SGCZ: variants seen among roughly 807,000 people sequenced by gnomAD.
SGCZ encodes the protein sarcoglycan zeta.
A neutral mutation model predicts 41.3 loss-of-function variants in SGCZ; 40 were observed. The observed-to-expected ratio is 0.97, with a 90% confidence interval of 0.75 to 1.26. The LOEUF is 1.26. Among genes scored for constraint, SGCZ ranks in the 50% most tolerant of loss-of-function variants. The pLI, the probability that SGCZ is intolerant of heterozygous loss-of-function variation, is 0.00. For missense variants in SGCZ, 552 were observed against 369.8 expected, an observed-to-expected ratio of 1.49 and a Z score of -4.04; for synonymous variants, 206 against 137.5, an observed-to-expected ratio of 1.50 and a Z score of -3.49.
intron 3 of SGCZ, among the ~76,000 whole-genome samples, chr8:14,269,864 G>T (rs556362223): frequency 6.6e-6 from 1 of 152,228 alleles, no homozygotes; most frequent in African/African-American, 2.4e-5. Context: ...GAGAAAGAAT[G>T]TGTGCTGTCA....
At chr8:15,179,493 C>A (rs1457223) in intron 1 of SGCZ, among the ~76,000 whole-genome samples, 62,684 of 152,000 alleles carry the variant, frequency 0.41, 14,507 homozygotes, top group Non-Finnish European at 0.5. Flanking sequence ...TCAAGATGTT[C>A]TGATAATTAC....
At chr8:14,273,230 A>G (rs1290159923) in intron 3 of SGCZ, among the ~76,000 whole-genome samples, 1 of 152,114 alleles carries the variant, frequency 6.6e-6, no homozygotes, top group Non-Finnish European at 1.5e-5. Flanking sequence ...GTACTTTTGC[A>G]TATGTTAGCC....
chr8:14,743,449 T>C (rs1799254209), intron 1 of SGCZ, among the ~76,000 whole-genome samples: 1 of 152,074 alleles, frequency 6.6e-6, no homozygotes, highest in African/African-American at 2.4e-5. Context: ...TACTGTGCCC[T>C]ATAGAAAAGT....
At chr8:15,002,681 C>G (rs997449655) in intron 1 of SGCZ, among the ~76,000 whole-genome samples, 1 of 152,162 alleles carries the variant, frequency 6.6e-6, no homozygotes, top group Non-Finnish European at 1.5e-5. Flanking sequence ...TCTTTAGTTT[C>G]CATTTTGTCC....
chr8:14,847,177 G>GAAGAAGAAA (rs1803158440), intron 1 of SGCZ, among the ~76,000 whole-genome samples: 2 of 144,434 alleles, frequency 1.4e-5, no homozygotes, highest in African/African-American at 5.4e-5. Flanking sequence ...AGAAGAAGAA[G>GAAGAAGAAA]AAGAAGAAGA....
intron 1 of SGCZ, among the ~76,000 whole-genome samples, chr8:15,137,985 C>A (rs959612172): frequency 1.3e-5 from 2 of 152,096 alleles, no homozygotes; most frequent in Non-Finnish European, 2.9e-5. Context: ...CAAAGCCAGC[C>A]CATGAAAGCA....
At chr8:14,119,570 T>A (rs1233907184) in intron 5 of SGCZ, among the ~76,000 whole-genome samples, 1 of 152,124 alleles carries the variant, frequency 6.6e-6, no homozygotes, top group Non-Finnish European at 1.5e-5. Flanking sequence ...GTTCTGATTA[T>A]CCAGGCCAGA....
At chr8:14,307,559 G>C (rs1801388333) in intron 3 of SGCZ, among the ~76,000 whole-genome samples, 1 of 152,164 alleles carries the variant, frequency 6.6e-6, no homozygotes, top group African/African-American at 2.4e-5. Flanking sequence ...CTGTAACTGA[G>C]GGACAGGGCA....
chr8:15,173,718 T>A (rs775335801), intron 1 of SGCZ, among the ~76,000 whole-genome samples: 10 of 152,220 alleles, frequency 6.6e-5, no homozygotes, highest in African/African-American at 2.2e-4. Context: ...CAGTTTTTAA[T>A]TGGCATTTTC....
chr8:14,767,766 G>C (rs1800087975), intron 1 of SGCZ, among the ~76,000 whole-genome samples: 1 of 152,180 alleles, frequency 6.6e-6, no homozygotes, highest in Non-Finnish European at 1.5e-5. Flanking sequence ...AGACACCTCT[G>C]TACGCCTTTC....
intron 1 of SGCZ, among the ~76,000 whole-genome samples, chr8:14,605,751 T>G (rs1386732262): frequency 6.6e-6 from 1 of 152,206 alleles, no homozygotes; most frequent in Non-Finnish European, 1.5e-5. Flanking sequence ...CATTAGAAAC[T>G]GTGTAATGTG....
At chr8:14,364,135 T>G (rs1803620203) in intron 2 of SGCZ, among the ~76,000 whole-genome samples, 1 of 152,178 alleles carries the variant, frequency 6.6e-6, no homozygotes. Flanking sequence ...GTATAAAATG[T>G]GTTTATTTCT....
At chr8:14,668,045 C>G (rs1807972954) in intron 1 of SGCZ, among the ~76,000 whole-genome samples, 1 of 152,134 alleles carries the variant, frequency 6.6e-6, no homozygotes, top group African/African-American at 2.4e-5. Flanking sequence ...CAACCTCCGC[C>G]TCCCAGGTTC....
At chr8:14,841,160 C>T (rs919380661) in intron 1 of SGCZ, among the ~76,000 whole-genome samples, 3 of 151,902 alleles carry the variant, frequency 2.0e-5, no homozygotes, top group African/African-American at 7.3e-5. Context: ...TTAAATGCTG[C>T]ATGTCTGAAA....
intron 1 of SGCZ, among the ~76,000 whole-genome samples, chr8:15,061,406 T>C (rs570113741): frequency 9.0e-4 from 136 of 151,696 alleles, no homozygotes; most frequent in Non-Finnish European, 1.7e-3. Flanking sequence ...AAGGAAGGGA[T>C]AGCACTAGGA....
chr8:14,417,068 G>A lies in SGCZ; in HGVS notation c.235-92864C>T, dbSNP rs143983910. On this transcript the variant is annotated intron_variant, in intron 2 of 7. Transcript: ENST00000382080. ...AATACCTAAAGAAGAAAATAAGGCC[G>A]GGCAAGACATATGAAGGGACGTTAT... Among the ~76,000 whole-genome samples the A allele has an allele frequency of 4.8e-3, 721 of 151,766 alleles. 6 individuals are homozygous for A. Among genetic ancestry groups the A allele is most frequent in the African/African-American group, 0.015 (641 of 41,422 alleles).
At chr8:14,847,352 T>A (rs543785329) in intron 1 of SGCZ, among the ~76,000 whole-genome samples, 2 of 152,056 alleles carry the variant, frequency 1.3e-5, no homozygotes, top group South Asian at 2.1e-4. Context: ...CTCATGAACA[T>A]AGACACCAAA....
At chr8:15,011,280 T>C (rs1050055343) in intron 1 of SGCZ, among the ~76,000 whole-genome samples, 1 of 152,106 alleles carries the variant, frequency 6.6e-6, no homozygotes, top group African/African-American at 2.4e-5. Flanking sequence ...TTCCAGGAGG[T>C]ATGTGTCTGT....
At chr8:14,397,773 C>G (rs1327041462) in intron 2 of SGCZ, among the ~76,000 whole-genome samples, 1 of 152,140 alleles carries the variant, frequency 6.6e-6, no homozygotes, top group Non-Finnish European at 1.5e-5. Flanking sequence ...CCTTCATCAT[C>G]TGTCACCAGC....
Sources: allele counts gnomAD v4.1 joint callset (sites outside exome capture counted in the v4.1 genomes callset), GRCh38; gene constraint gnomAD v4.1.1; transcripts MANE v1.5; gene names NCBI Gene and HGNC (gene_info 2026-07-23, HGNC 2026-07-21).